ZSCAN22: variants seen among roughly 807,000 people sequenced by gnomAD.
ZSCAN22 encodes zinc finger and SCAN domain containing 22.
Under a neutral mutation model 12.4 loss-of-function variants are expected in ZSCAN22, and 7 were observed. The observed-to-expected ratio is 0.57, with a 90% CI of 0.32 to 1.06. The LOEUF is 1.06. ZSCAN22 is among the 50% of genes least tolerant of loss of function. ZSCAN22 has a pLI of 0.04. For synonymous variants in ZSCAN22, 243 were observed against 255.9 expected (o/e 0.95, Z 0.48); for missense variants, 576 against 631.7 (o/e 0.91, Z 0.94).
chr19:58,328,913 C>T (rs1420527133), intron 1 of ZSCAN22, among the ~76,000 whole-genome samples: 1 of 152,136 alleles, frequency 6.6e-6, no homozygotes, highest in Non-Finnish European at 1.5e-5. Context: ...GTCCTGTGTG[C>T]TGTGGCTCCA....
At chr19:58,328,743 A>T (rs2051686445) in intron 1 of ZSCAN22, among the ~76,000 whole-genome samples, 1 of 152,120 alleles carries the variant, frequency 6.6e-6, no homozygotes, top group Non-Finnish European at 1.5e-5. Context: ...CAGGGGTGCA[A>T]AAGAGAACTT....
In ZSCAN22 at chr19:58,339,134, A is replaced by G; in HGVS notation, c.1284A>G (p.Arg428=). The change falls in exon 3 of 3, where the codon AGA becomes AGG. Residue 428 remains arginine (R), a synonymous_variant. Transcript: ENST00000329665. The surrounding 1 kb of genome is among the most constrained non-coding windows in gnomAD (Gnocchi z 5.6). ...SDCSALIRHL[R]IHSGEKPYQC... ...GCTCAGCCCTGATCCGACATCTGAG[A>G]ATCCACTCTGGAGAGAAGCCATATC... 6.2e-7 allele frequency: 1 copy of G among 1,614,192 alleles called. No homozygotes were observed. The highest frequency in any genetic ancestry group is 8.5e-7 in the Non-Finnish European group (1 of 1,180,034).
At position 58,340,332 on chromosome 19, in the gene ZSCAN22, T is replaced by C. The variant is rs1356301264; in HGVS notation, c.*1006T>C. 1 of 152,126 alleles carries C rather than the reference T, an allele frequency of 6.6e-6. No homozygotes were observed. Among genetic ancestry groups the C allele is most frequent in the Non-Finnish European group, 1.5e-5 (1 of 68,032 alleles). The allele number at this position is 152,126 out of a possible 1,614,324, so 9.4% of individuals were successfully genotyped here. A position where few individuals can be genotyped will look rare whatever the true frequency, so the allele number is the denominator to read the frequency against. The stretch of plus-strand genomic sequence containing the variant: ...CATTTTTCTGTGCGTGCAGTGAAAA[T>C]GGCCTCATCTCATACCATGGCTCCA... On this transcript the variant is annotated 3_prime_UTR_variant, in exon 3 of 3. Coordinates refer to ENST00000329665, the MANE Select transcript of ZSCAN22 (RefSeq NM_181846.3).
In ZSCAN22 at chr19:58,339,449, G is replaced by A. The variant is rs2051845512; in HGVS notation, c.*123G>A. 3.3e-6 allele frequency: 3 copies of A among 917,344 alleles called. No homozygotes were observed. The highest frequency in any genetic ancestry group is 4.8e-6 in the Non-Finnish European group (3 of 624,388). 56.8% of individuals were successfully genotyped at this position (917,344 alleles called of 1,614,324 possible). ...GATTGATGAGTTGTCAAAATGATAGGTGCCTGAGGGCAGACTCGGGCTGTC... is the reference window on the plus strand; with the variant it reads ...GATTGATGAGTTGTCAAAATGATAGATGCCTGAGGGCAGACTCGGGCTGTC... On this transcript the variant is annotated 3_prime_UTR_variant, in exon 3 of 3. Coordinates refer to ENST00000329665, the MANE Select transcript of ZSCAN22 (RefSeq NM_181846.3). The surrounding 1 kb of genome is among the most constrained non-coding windows in gnomAD (Gnocchi z 5.6).
In ZSCAN22 at chr19:58,339,546, A is replaced by G. The variant is rs757241845; in HGVS notation, c.*220A>G. 59 of 548,270 alleles carry G rather than the reference A, an allele frequency of 1.1e-4. No individual in the cohort carries two copies. Among genetic ancestry groups the G allele is most frequent in the Non-Finnish European group, 1.6e-4 (50 of 309,490 alleles). 34.0% of individuals were successfully genotyped at this position (548,270 alleles called of 1,614,324 possible). On this transcript the variant is annotated 3_prime_UTR_variant, in exon 3 of 3. Coordinates refer to ENST00000329665, the MANE Select transcript of ZSCAN22 (RefSeq NM_181846.3). The surrounding 1 kb of genome is among the most constrained non-coding windows in gnomAD (Gnocchi z 5.6). ...TCAGGCCAGCTGGAGAAGCTTCCAG[A>G]AGGGCCCTGCACTGCTACCCTCTAT... is the stretch of plus-strand genomic sequence containing the variant.
At chr19:58,331,973 A>T (rs2051731955) in intron 1 of ZSCAN22, among the ~76,000 whole-genome samples, 2 of 152,024 alleles carry the variant, frequency 1.3e-5, no homozygotes, top group African/African-American at 4.8e-5. Context: ...TTCCAGGTTA[A>T]AGGGTTTCTT....
At chr19:58,333,498 A>C (rs968171503) in intron 1 of ZSCAN22, among the ~76,000 whole-genome samples, 1 of 152,234 alleles carries the variant, frequency 6.6e-6, no homozygotes, top group African/African-American at 2.4e-5. Flanking sequence ...TAATAAAAAG[A>C]CAACTAGAAA....
Position 58,338,543 on chromosome 19 carries a change from T to C in ZSCAN22, c.693T>C (p.Ser231=), listed in dbSNP as rs199766103. The C allele has an allele frequency of 3.7e-6, 6 of 1,614,204 alleles. No homozygotes were observed. The South Asian group carries it at 4.4e-5, about 12-fold the overall frequency. Residue 231 remains serine (S), a synonymous_variant, in exon 3 of 3, where the codon AGT becomes AGC. Coordinates refer to ENST00000329665, the MANE Select transcript of ZSCAN22 (RefSeq NM_181846.3). The surrounding 1 kb of genome is among the most constrained non-coding windows in gnomAD (Gnocchi z 5.4). ...CTGGTGCCTCGAGGAACAGTTCTAGTGCGTGGCCAAACCTCACCTCCCAAG... is the reference window on the plus strand; with the variant it reads ...CTGGTGCCTCGAGGAACAGTTCTAGCGCGTGGCCAAACCTCACCTCCCAAG... ...RESGASRNSS[S]AWPNLTSQEK... is the part of the protein sequence containing the mutation.
chr19:58,328,327 T>C (rs1387775623), intron 1 of ZSCAN22, among the ~76,000 whole-genome samples: 2 of 152,218 alleles, frequency 1.3e-5, no homozygotes, highest in Non-Finnish European at 2.9e-5. Context: ...TTACCAAGCA[T>C]ATGAGAGAGG....
chr19:58,328,628 G>A (rs2051684799), intron 1 of ZSCAN22, among the ~76,000 whole-genome samples: 1 of 152,184 alleles, frequency 6.6e-6, no homozygotes, highest in African/African-American at 2.4e-5. Context: ...TGTGGATGGG[G>A]AACCTCAACC....
Position 58,338,979 on chromosome 19 carries a change from G to A in ZSCAN22, c.1129G>A (p.Glu377Lys), listed in dbSNP as rs1165138185. 39 of 1,613,118 alleles carry A rather than the reference G, an allele frequency of 2.4e-5. No homozygotes were observed. Among genetic ancestry groups the A allele is most frequent in the Non-Finnish European group, 3.1e-5 (36 of 1,179,402 alleles). The change falls in exon 3 of 3, where the codon GAG becomes AAG. Residue 377 changes from glutamate (E) to lysine (K), a missense_variant. By Grantham distance (56) the Glu-to-Lys change is moderately conservative. Coordinates refer to ENST00000329665, the MANE Select transcript of ZSCAN22 (RefSeq NM_181846.3). This position sits in a 1 kb window ranked among gnomAD's most constrained non-coding sequence, Gnocchi z 5.4. The part of the protein sequence containing the change: ...LTQHQRVHTG[E>K]RPYECDACGK... ...CCAGCACCAGCGGGTGCACACGGGG[G>A]AGCGGCCCTACGAGTGTGACGCGTG...
chr19:58,334,427 C>T (rs1440762203), intron 1 of ZSCAN22, among the ~76,000 whole-genome samples: 2 of 152,182 alleles, frequency 1.3e-5, no homozygotes, highest in African/African-American at 2.4e-5. Context: ...CGCCATTCTC[C>T]TGCCTCAGCC....
At position 58,334,818 on chromosome 19, in the gene ZSCAN22, C is replaced by A; in HGVS notation, c.16C>A (p.His6Asn). 1 of 1,603,056 alleles carries A rather than the reference C, an allele frequency of 6.2e-7. No homozygotes were observed. The change falls in exon 2 of 3, where the codon CAC becomes AAC. Residue 6 changes from histidine (H) to asparagine (N), a missense_variant. Physicochemically the swap from His to Asn is moderately conservative, Grantham distance 68 (BLOSUM62 1). Transcript: ENST00000329665. The stretch of plus-strand genomic sequence containing the variant: ...CTGCTGCCCGATGGCCATCCCCAAG[C>A]ACTCCCTGAGCCCAGTGCCGTGGGA... Reference protein sequence around the residue: MAIPKHSLSPVPWEED... With the variant: MAIPKNSLSPVPWEED...
chr19:58,330,574 C>G (rs59119314), intron 1 of ZSCAN22, among the ~76,000 whole-genome samples: 1 of 152,090 alleles, frequency 6.6e-6, no homozygotes, highest in East Asian at 1.9e-4. Context: ...GAGGAAAGAT[C>G]GCAGATAGCC....
rs201156420 is a variant in ZSCAN22, at chr19:58,339,250, G to C, written c.1400G>C (p.Ser467Thr). ...IHTGEKPYKC[S>T]DCGKAFSRSS... Reference sequence around the variant, plus strand: ...ACGGGAGAGAAGCCTTATAAGTGCAGCGACTGTGGGAAGGCCTTCAGTCGT... The same window carrying C: ...ACGGGAGAGAAGCCTTATAAGTGCACCGACTGTGGGAAGGCCTTCAGTCGT... Residue 467 changes from serine (S) to threonine (T), a missense_variant, in exon 3 of 3, where the codon AGC becomes ACC. Physicochemically the swap from Ser to Thr is moderately conservative, Grantham distance 58. Transcript: ENST00000329665. This position sits in a 1 kb window ranked among gnomAD's most constrained non-coding sequence, Gnocchi z 5.6. 6.2e-7 allele frequency: 1 copy of C among 1,613,860 alleles called. No homozygotes were observed. Among genetic ancestry groups the C allele is most frequent in the East Asian group, 2.2e-5 (1 of 44,826 alleles).
rs777136488 is a variant in ZSCAN22, at chr19:58,338,994, T to C, written c.1144T>C (p.Cys382Arg). 38 of 1,612,236 alleles carry C rather than the reference T, an allele frequency of 2.4e-5. No individual in the cohort carries two copies. Among genetic ancestry groups the C allele is most frequent in the Non-Finnish European group, 3.1e-5 (37 of 1,178,984 alleles). Residue 382 changes from cysteine to arginine, a missense_variant, in exon 3 of 3, where the codon TGT becomes CGT. Coordinates refer to ENST00000329665, the MANE Select transcript of ZSCAN22 (RefSeq NM_181846.3). The surrounding 1 kb of genome is among the most constrained non-coding windows in gnomAD (Gnocchi z 5.4). ...GCACACGGGGGAGCGGCCCTACGAGTGTGACGCGTGTGGGAAAGCCTTCAG... is the reference window on the plus strand; with the variant it reads ...GCACACGGGGGAGCGGCCCTACGAGCGTGACGCGTGTGGGAAAGCCTTCAG... ...RVHTGERPYE[C>R]DACGKAFSQS...
Position 58,338,365 on chromosome 19 carries a change from C to A in ZSCAN22, c.515C>A (p.Pro172His). ...ETLMGGVSLG[P>H]AFVKACEPEG... ...CTCATGGGAGGTGTTTCCCTTGGAC[C>A]CGCCTTTGTCAAGGCATGTGAACCT... is the stretch of plus-strand genomic sequence containing the variant. Residue 172 changes from proline (P) to histidine (H), a missense_variant, in exon 3 of 3, where the codon CCC (proline) becomes CAC (histidine). By Grantham distance (77) the Pro-to-His change is moderately conservative (BLOSUM62 -2). Transcript: ENST00000329665. This position sits in a 1 kb window ranked among gnomAD's most constrained non-coding sequence, Gnocchi z 5.4. 1.2e-6 allele frequency: 2 copies of A among 1,614,154 alleles called. No homozygotes were observed. Among genetic ancestry groups the A allele is most frequent in the Non-Finnish European group, 1.7e-6 (2 of 1,180,028 alleles).
Position 58,335,923 on chromosome 19 carries a change from C to T in ZSCAN22, c.403+718C>T, listed in dbSNP as rs560938154. 6.6e-6 allele frequency among the ~76,000 whole-genome samples: 1 copy of T among 152,190 alleles called. No homozygotes were observed. The highest frequency in any genetic ancestry group is 1.5e-5 in the Non-Finnish European group (1 of 68,032). ...CAACCCAGGGAGGTCCAGTGGGATGCAGGGAAGACCCAGCCTTGGGACAAT... is the reference window on the plus strand; with the variant it reads ...CAACCCAGGGAGGTCCAGTGGGATGTAGGGAAGACCCAGCCTTGGGACAAT... On this transcript the variant is annotated intron_variant, in intron 2 of 2. Coordinates refer to ENST00000329665, the MANE Select transcript of ZSCAN22 (RefSeq NM_181846.3). This position sits in a 1 kb window ranked among gnomAD's most constrained non-coding sequence, Gnocchi z 4.1.
intron 1 of ZSCAN22, among the ~76,000 whole-genome samples, chr19:58,328,289 A>T (rs2051680503): frequency 6.6e-6 from 1 of 152,178 alleles, no homozygotes; most frequent in Non-Finnish European, 1.5e-5. Flanking sequence ...TATCAGGGAG[A>T]CTAAAACTTG....
Sources: gnomAD v4.1 joint callset for allele counts (sites outside exome capture counted in the v4.1 genomes callset) on GRCh38, gnomAD v4.1.1 for gene constraint, Gnocchi (gnomAD v3.1) non-coding constraint, MANE v1.5 for transcripts, NCBI Gene and HGNC (gene_info 2026-07-23, HGNC 2026-07-21) for gene names.